ZBED4: variants seen among roughly 807,000 people sequenced by gnomAD.
ZBED4 encodes zinc finger BED-type containing 4.
A neutral mutation model predicts 15.5 loss-of-function variants in ZBED4; 4 were observed. That is an observed-to-expected ratio of 0.26 (90% CI 0.13 to 0.59). The LOEUF is 0.59. ZBED4 is among the 20% of genes least tolerant of loss of function. The pLI, the probability that ZBED4 is intolerant of heterozygous loss-of-function variation, is 0.90. For synonymous variants in ZBED4, 692 were observed against 608.5 expected (o/e 1.14, Z -2.02); for missense variants, 1,323 against 1,461.8 (o/e 0.91, Z 1.55).
Position 49,884,926 on chromosome 22 carries a change from G to A in ZBED4, c.1264G>A (p.Glu422Lys), listed in dbSNP as rs1359970931. The change falls in exon 2 of 2, where the codon GAG becomes AAG. Residue 422 changes from glutamate to lysine, a missense_variant. Transcript: ENST00000216268. ...AAFSSSDDIGEASASSPEKQQ... is the reference protein window; with the variant it reads ...AAFSSSDDIGKASASSPEKQQ... ...CTTCTCATCTTCCGATGACATAGGG[G>A]AGGCCTCGGCGTCCTCTCCTGAGAA... The A allele has an allele frequency of 6.2e-7, 1 of 1,605,970 alleles. No individual in the cohort carries two copies. Among genetic ancestry groups the A allele is most frequent in the African/African-American group, 1.3e-5 (1 of 74,910 alleles).
Position 49,884,969 on chromosome 22 carries a change from T to C in ZBED4, c.1307T>C (p.Leu436Pro). ...CCTGAGAAGCAGCAGGCTGATGGGCTGAGTCCTAGATTGTTTGAATCTGGC... is the reference window on the plus strand; with the variant it reads ...CCTGAGAAGCAGCAGGCTGATGGGCCGAGTCCTAGATTGTTTGAATCTGGC... ...SSPEKQQADG[L>P]SPRLFESGAI... The change falls in exon 2 of 2, where the codon CTG (leucine) becomes CCG (proline). Residue 436 changes from leucine (L) to proline (P), a missense_variant. Transcript: ENST00000216268. 3 of 1,613,018 alleles carry C rather than the reference T, an allele frequency of 1.9e-6. No homozygotes were observed. Among genetic ancestry groups the C allele is most frequent in the Non-Finnish European group, 2.5e-6 (3 of 1,179,382 alleles).
At chr22:49,875,490 G>A (rs2060371827) in intron 1 of ZBED4, among the ~76,000 whole-genome samples, 1 of 146,924 alleles carries the variant, frequency 6.8e-6, no homozygotes, top group Non-Finnish European at 1.5e-5. Context: ...GCGCCATCTT[G>A]GCTCACTGCA....
intron 1 of ZBED4, among the ~76,000 whole-genome samples, chr22:49,868,365 G>C (rs2060331138): frequency 6.6e-6 from 1 of 152,166 alleles, no homozygotes; most frequent in Non-Finnish European, 1.5e-5. Flanking sequence ...GGATCACCCA[G>C]GATCAGGAGT....
chr22:49,886,353 C>T lies in ZBED4; in HGVS notation c.2691C>T (p.His897=), dbSNP rs1466574029. Residue 897 remains histidine, a synonymous_variant, in exon 2 of 2, where the codon CAC becomes CAT. Transcript: ENST00000216268. This position sits in a 1 kb window ranked among gnomAD's most constrained non-coding sequence, Gnocchi z 7.7. ...DVPSKWSTSF[H]MLERLIEQKR... is the part of the protein sequence containing the mutation. ...CGTCCAAGTGGAGCACTTCCTTCCA[C>T]ATGCTCGAGCGGCTCATTGAGCAGA... 6.2e-7 allele frequency: 1 copy of T among 1,608,996 alleles called. No individual in the cohort carries two copies. Among genetic ancestry groups the T allele is most frequent in the Non-Finnish European group, 8.5e-7 (1 of 1,176,264 alleles).
At chr22:49,860,336 T>C (rs2060291406) in intron 1 of ZBED4, among the ~76,000 whole-genome samples, 2 of 152,152 alleles carry the variant, frequency 1.3e-5, no homozygotes, top group Admixed American at 1.3e-4. Flanking sequence ...TACATATATA[T>C]AGTTTTACTT....
At chr22:49,880,899 T>C (rs1233939872) in intron 1 of ZBED4, among the ~76,000 whole-genome samples, 2 of 152,208 alleles carry the variant, frequency 1.3e-5, no homozygotes, top group Non-Finnish European at 2.9e-5. Context: ...GCCTTTAATT[T>C]CAGCAGTGTT....
Position 49,884,318 on chromosome 22 carries a change from C to T in ZBED4, c.656C>T (p.Pro219Leu). ...VQKVASKIPS[P>L]DRITEESVSV... ...AAAGTGGCGTCTAAGATCCCGTCCC[C>T]CGATCGAATAACAGAGGAGTCTGTG... Residue 219 changes from proline to leucine, a missense_variant, in exon 2 of 2, where the codon CCC becomes CTC. Pro to Leu is a moderately conservative substitution (Grantham distance 98, BLOSUM62 -3). This residue lies in a region of ZBED4 where 380 missense variants were observed against 413.7 expected (regional missense o/e 0.92). Transcript: ENST00000216268. 6.2e-7 allele frequency: 1 copy of T among 1,613,856 alleles called. No homozygotes were observed. The highest frequency in any genetic ancestry group is 8.5e-7 in the Non-Finnish European group (1 of 1,179,816).
In ZBED4 at chr22:49,884,604, C is replaced by T. The variant is rs774674482; in HGVS notation, c.942C>T (p.Ser314=). Residue 314 remains serine, a synonymous_variant, in exon 2 of 2, where the codon AGC becomes AGT. Transcript: ENST00000216268. ...AVCIHCMNEF[S]RGKNGKDLGT... is the part of the protein sequence containing the mutation. ...GCATTCACTGCATGAACGAGTTCAG[C>T]CGGGGGAAGAATGGGAAGGACCTGG... 3.1e-6 allele frequency: 5 copies of T among 1,612,144 alleles called. No homozygotes were observed. The East Asian group carries it at 1.1e-4, about 36-fold the overall frequency.
At position 49,884,356 on chromosome 22, in the gene ZBED4, T is replaced by C; in HGVS notation, c.694T>C (p.Ser232Pro). 2 of 1,613,120 alleles carry C rather than the reference T, an allele frequency of 1.2e-6. No individual in the cohort carries two copies. Among genetic ancestry groups the C allele is most frequent in the Admixed American group, 1.7e-5 (1 of 59,726 alleles). The change falls in exon 2 of 2, where the codon TCT (serine) becomes CCT (proline). Residue 232 changes from serine to proline, a missense_variant. Ser to Pro is a moderately conservative substitution (Grantham distance 74, BLOSUM62 -1). This residue lies in a region of ZBED4 where 380 missense variants were observed against 413.7 expected (regional missense o/e 0.92). Coordinates refer to ENST00000216268, the MANE Select transcript of ZBED4 (RefSeq NM_014838.3). The stretch of plus-strand genomic sequence containing the variant: ...AGAGGAGTCTGTGTCTGTAGTTTCT[T>C]CTGAAGAAATCTCCTCTGACATGTC... ...ITEESVSVVS[S>P]EEISSDMSVS... is the part of the protein sequence containing the mutation.
intron 1 of ZBED4, among the ~76,000 whole-genome samples, chr22:49,867,533 G>A (rs1381710701): frequency 2.0e-5 from 3 of 152,228 alleles, no homozygotes; most frequent in African/African-American, 7.2e-5. Flanking sequence ...AGAAAGAAGT[G>A]TCAGCTGTTT....
chr22:49,867,804 A>G (rs1210527039), intron 1 of ZBED4, among the ~76,000 whole-genome samples: 1 of 152,162 alleles, frequency 6.6e-6, no homozygotes, highest in East Asian at 1.9e-4. Context: ...AAATATCTTC[A>G]GTGGAAAATG....
intron 1 of ZBED4, among the ~76,000 whole-genome samples, chr22:49,881,730 G>GT (rs896766070): frequency 2.0e-5 from 3 of 151,984 alleles, no homozygotes; most frequent in Admixed American, 6.6e-5. Context: ...ACAGGGTCTT[G>GT]TTTTTTTGCC....
At chr22:49,855,789 G>A (rs2060272686) in intron 1 of ZBED4, among the ~76,000 whole-genome samples, 1 of 151,818 alleles carries the variant, frequency 6.6e-6, no homozygotes, top group African/African-American at 2.4e-5. Context: ...ACAGCTGGGC[G>A]TGGCTTTGCC....
chr22:49,855,666 T>A (rs1349639178), intron 1 of ZBED4, among the ~76,000 whole-genome samples: 2 of 152,192 alleles, frequency 1.3e-5, no homozygotes, highest in African/African-American at 2.4e-5. Context: ...GAAGTGACCG[T>A]GGTCAGTGCC....
intron 1 of ZBED4, among the ~76,000 whole-genome samples, chr22:49,870,049 T>C (rs1248958895): frequency 6.6e-6 from 1 of 152,192 alleles, no homozygotes; most frequent in East Asian, 1.9e-4. Context: ...CATGCTTAGC[T>C]CCCACTGATA....
chr22:49,888,955 A>G lies in ZBED4; in HGVS notation c.*1777A>G, dbSNP rs738711. On this transcript the variant is annotated 3_prime_UTR_variant, in exon 2 of 2. Coordinates refer to ENST00000216268, the MANE Select transcript of ZBED4 (RefSeq NM_014838.3). ...TTCTTGCTTAGCTGTGCTCACGACC[A>G]GCTTGCAGTCCTGTGTTTCTTAAGA... The G allele has an allele frequency of 0.66, 110,498 of 167,228 alleles. 40,960 individuals are homozygous for G. The highest frequency in any genetic ancestry group is 0.85 in the East Asian group (4,532 of 5,314). 10.4% of individuals were successfully genotyped at this position (167,228 alleles called of 1,614,324 possible).
At position 49,879,506 on chromosome 22, in the gene ZBED4, C is replaced by T. The variant is rs566021187; in HGVS notation, c.-329-3828C>T. Among the ~76,000 whole-genome samples, 5 of 151,796 alleles carry T rather than the reference C, an allele frequency of 3.3e-5. No individual in the cohort carries two copies. In the South Asian group the frequency reaches 1.0e-3, roughly 32 times the overall value. The stretch of plus-strand genomic sequence containing the variant: ...ACCACTATATCCGCTCTTACAATAG[C>T]TGTTTTCATGTCCTTGTCCACTAAT... On this transcript the variant is annotated intron_variant, in intron 1 of 1. Coordinates refer to ENST00000216268, the MANE Select transcript of ZBED4 (RefSeq NM_014838.3).
chr22:49,887,075 C>T lies in ZBED4; in HGVS notation c.3413C>T (p.Pro1138Leu), dbSNP rs1398725637. 6.2e-7 allele frequency: 1 copy of T among 1,614,182 alleles called. No homozygotes were observed. The highest frequency in any genetic ancestry group is 8.5e-7 in the Non-Finnish European group (1 of 1,180,038). Residue 1138 changes from proline (P) to leucine (L), a missense_variant, in exon 2 of 2, where the codon CCC becomes CTC. By Grantham distance (98) the Pro-to-Leu change is moderately conservative. Around this residue, in one of 6 missense-constraint regions of ZBED4, gnomAD observed 312 missense variants for 410.7 expected, o/e 0.76. Coordinates refer to ENST00000216268, the MANE Select transcript of ZBED4 (RefSeq NM_014838.3). ...CCTTCAGAAAAGCTGTTCAACACAC[C>T]CACTGAGAACGGTAGCCTTGGCCAA... ...IVPSEKLFNT[P>L]TENGSLGQSR... is the part of the protein sequence containing the mutation.
chr22:49,879,147 A>C (rs1022151602), intron 1 of ZBED4, among the ~76,000 whole-genome samples: 8 of 150,606 alleles, frequency 5.3e-5, no homozygotes, highest in Admixed American at 1.3e-4. Flanking sequence ...CCATCTCAAA[A>C]AAAAAACAAA....
Sources: allele counts gnomAD v4.1 joint callset (sites outside exome capture counted in the v4.1 genomes callset), GRCh38; gene constraint gnomAD v4.1.1; regional missense constraint gnomAD v4.1.1; non-coding constraint Gnocchi (gnomAD v3.1); transcripts MANE v1.5; gene names NCBI Gene and HGNC (gene_info 2026-07-23, HGNC 2026-07-21).